The following GLDC variants were observed in gnomAD, a reference collection of about 807,000 sequenced individuals.
The protein encoded by GLDC is glycine decarboxylase, also known as glycine dehydrogenase (decarboxylating), mitochondrial.
Under a neutral mutation model 121.3 loss-of-function variants are expected in GLDC, and 104 were observed. That is an observed-to-expected ratio of 0.86 (90% CI 0.73 to 1.01). The LOEUF (loss-of-function observed/expected upper bound fraction) is 1.01. Among genes scored for constraint, GLDC ranks in the 50% least tolerant of loss-of-function variants. The pLI, the probability that GLDC is intolerant of heterozygous loss-of-function variation, is 0.00. For synonymous variants in GLDC, 546 were observed against 480.6 expected (o/e 1.14, Z -1.78); for missense variants, 1,429 against 1,306.6 (o/e 1.09, Z -1.44).
At chr9:6,574,690 T>A (rs555570189) in intron 15 of GLDC, among the ~76,000 whole-genome samples, 104 of 152,180 alleles carry the variant, frequency 6.8e-4, no homozygotes, top group Middle Eastern at 6.8e-3. Context: ...ACGGCTCTCC[T>A]CATCCCTCAC....
At chr9:6,567,613 C>G (rs1478937044) in intron 15 of GLDC, among the ~76,000 whole-genome samples, 3 of 152,194 alleles carry the variant, frequency 2.0e-5, no homozygotes, top group Admixed American at 6.5e-5. Context: ...AGAATTTTGT[C>G]AACCTTGTTC....
rs1818738718 is a variant in GLDC at position 6,606,603 on chromosome 9, C to G, written c.702G>C (p.Gln234His). The G allele has an allele frequency of 1.3e-6, 2 of 1,590,714 alleles. No individual in the cohort carries two copies. Among genetic ancestry groups the G allele is most frequent in the African/African-American group, 1.3e-5 (1 of 74,178 alleles). The change falls in exon 5 of 25, where the codon CAG becomes CAC. Residue 234 changes from glutamine (Q) to histidine (H), a missense_variant. Gln to His is a conservative substitution (Grantham distance 24). Transcript: ENST00000321612. ...RCHPQTIAVVQTRAKYTGVLT... is the reference protein window; with the variant it reads ...RCHPQTIAVVHTRAKYTGVLT... ...ATCAAATTAATTACTTGGCTCGAGT[C>G]TGGACAACAGCTATTGTCTGTGGGT...
intron 19 of GLDC, among the ~76,000 whole-genome samples, 157 bp from the exon 20 acceptor site, chr9:6,553,666 G>A (rs1442134032): frequency 1.3e-5 from 2 of 152,160 alleles, no homozygotes; most frequent in South Asian, 2.1e-4. Flanking sequence ...TTCAGGAAGC[G>A]ATCCTTCCTT....
At chr9:6,536,290 T>G in intron 22 of GLDC, 54 bp from the exon 23 acceptor site, 1 of 1,489,890 alleles carries the variant, frequency 6.7e-7, no homozygotes, top group Non-Finnish European at 9.3e-7. Context: ...GCCTACCCAG[T>G]TTGGAAGAAA....
At chr9:6,637,386 T>C (rs959609228) in intron 2 of GLDC, among the ~76,000 whole-genome samples, 2 of 148,604 alleles carry the variant, frequency 1.3e-5, no homozygotes, top group African/African-American at 5.0e-5. Context: ...ACCTGGGGGA[T>C]AAGAGCGAGA....
chr9:6,644,050 A>AAAAAAC lies in GLDC; in HGVS notation c.334+563_334+564insGTTTTT, dbSNP rs55988287. On this transcript the variant is annotated intron_variant, in intron 2 of 24. Coordinates refer to ENST00000321612, the MANE Select transcript of GLDC (RefSeq NM_000170.3). ...GTCTCAAAAAAAAAAAAAAAAAAAAACGAAAAAAAAAAGAAAAGAAAAGAA... is the reference window on the plus strand; with the variant it reads ...GTCTCAAAAAAAAAAAAAAAAAAAAAAAAAACCGAAAAAAAAAAGAAAAGAAAAGAA... 9.9e-3 allele frequency among the ~76,000 whole-genome samples: 916 copies of AAAAAAC among 92,676 alleles called. 109 individuals are homozygous for AAAAAAC. Among genetic ancestry groups the AAAAAAC allele is most frequent in the Admixed American group, 0.039 (289 of 7,354 alleles). The allele number at this position is 92,676 out of a possible 152,430, so 60.8% of individuals were successfully genotyped here. A position where few individuals can be genotyped will look rare whatever the true frequency, so the allele number is the denominator to read the frequency against.
chr9:6,598,446 A>G (rs1304893725), intron 8 of GLDC, among the ~76,000 whole-genome samples: 2 of 152,232 alleles, frequency 1.3e-5, no homozygotes, highest in Non-Finnish European at 2.9e-5. Context: ...ATTAAAAAAG[A>G]GTCATGCCCC....
chr9:6,601,709 C>T (rs1381016916), intron 8 of GLDC, among the ~76,000 whole-genome samples: 5 of 152,166 alleles, frequency 3.3e-5, no homozygotes, highest in African/African-American at 1.2e-4. Flanking sequence ...ACTGCAGCCT[C>T]AACCTCCCAG....
At chr9:6,537,275 T>A (rs1018677206) in intron 22 of GLDC, among the ~76,000 whole-genome samples, 1 of 152,046 alleles carries the variant, frequency 6.6e-6, no homozygotes, top group Non-Finnish European at 1.5e-5. Context: ...TGTCTCTGCC[T>A]CCCAATATGC....
intron 3 of GLDC, among the ~76,000 whole-genome samples, 172 bp downstream of exon 3, chr9:6,620,012 G>A (rs527587759): frequency 1.3e-5 from 2 of 152,274 alleles, no homozygotes; most frequent in African/African-American, 4.8e-5. Flanking sequence ...CTCAACATTT[G>A]AGCAAGAACA....
chr9:6,577,510 A>G (rs1027759097), intron 15 of GLDC, among the ~76,000 whole-genome samples: 4 of 152,256 alleles, frequency 2.6e-5, no homozygotes, highest in African/African-American at 9.6e-5. Context: ...TAGTTGTTTC[A>G]CAATACGCAT....
At chr9:6,539,168 A>T (rs985703504) in intron 22 of GLDC, among the ~76,000 whole-genome samples, 5 of 152,140 alleles carry the variant, frequency 3.3e-5, no homozygotes, top group African/African-American at 1.2e-4. Context: ...TATTATTATC[A>T]TTTTCATATT....
chr9:6,565,240 T>A, intron 16 of GLDC, 114 bp downstream of exon 16: 2 of 807,718 alleles, frequency 2.5e-6, no homozygotes, highest in South Asian at 1.3e-5. Flanking sequence ...CTTGACTATA[T>A]GTTCCCTCAT....
chr9:6,603,551 A>AAG (rs1818662780), intron 7 of GLDC, among the ~76,000 whole-genome samples: 1 of 151,742 alleles, frequency 6.6e-6, no homozygotes. Flanking sequence ...AAATAAATAA[A>AAG]TAAATAAAAT....
chr9:6,597,772 TAAAA>T (rs1291959633), intron 8 of GLDC, among the ~76,000 whole-genome samples: 1 of 151,820 alleles, frequency 6.6e-6, no homozygotes, highest in Non-Finnish European at 1.5e-5. Context: ...CTGTATCTAC[TAAAA>T]ATACAATAAA....
intron 15 of GLDC, chr9:6,568,973 A>G (rs1029308064): frequency 2.6e-5 from 4 of 152,246 alleles, no homozygotes; most frequent in Admixed American, 6.5e-5. Flanking sequence ...CAAAACTCAG[A>G]TTCATTCTAC....
At chr9:6,565,596 T>G (rs1817840456) in intron 15 of GLDC, 167 bp from the exon 16 acceptor site, 2 of 697,132 alleles carry the variant, frequency 2.9e-6, no homozygotes, top group African/African-American at 3.5e-5. Flanking sequence ...CAAAAGGTCT[T>G]GAACAATCAA....
At chr9:6,594,487 G>C (rs1203449508) in intron 9 of GLDC, among the ~76,000 whole-genome samples, 1 of 152,074 alleles carries the variant, frequency 6.6e-6, no homozygotes, top group Non-Finnish European at 1.5e-5. Context: ...CTTGAGGTCA[G>C]GAATTCGAGA....
In GLDC at chr9:6,610,193, T is replaced by C. The variant is rs1212968746; in HGVS notation, c.634A>G (p.Arg212Gly). 3 of 1,609,418 alleles carry C rather than the reference T, an allele frequency of 1.9e-6. No individual in the cohort carries two copies. Among genetic ancestry groups the C allele is most frequent in the African/African-American group, 2.7e-5 (2 of 75,016 alleles). The change falls in exon 4 of 25, where the codon AGA becomes GGA. Residue 212 changes from arginine (R) to glycine (G), a missense_variant and splice_region_variant. Coordinates refer to ENST00000321612, the MANE Select transcript of GLDC (RefSeq NM_000170.3). Reference protein sequence around the residue: ...AAAEALQLCYRHNKRRKFLVD... With the variant: ...AAAEALQLCYGHNKRRKFLVD... ...CCAGCACTTTGAGAGGCCTCTCACC[T>C]GTAGCACAGCTGCAGTGCCTCTGCG...
Sources: allele counts gnomAD v4.1 joint callset (sites outside exome capture counted in the v4.1 genomes callset), GRCh38; gene constraint gnomAD v4.1.1; transcripts MANE v1.5; gene names NCBI Gene and HGNC (gene_info 2026-07-23, HGNC 2026-07-21).